The following KANK3 variants were observed in gnomAD, a reference collection of about 807,000 sequenced individuals.
The protein encoded by KANK3 is KN motif and ankyrin repeat domain-containing protein 3.
Under a neutral mutation model 65.4 loss-of-function variants are expected in KANK3, and 61 were observed. The observed-to-expected ratio is 0.93, with a 90% CI of 0.76 to 1.15. KANK3 has a LOEUF of 1.15. KANK3 is among the 50% of genes most tolerant of loss of function. The pLI is 0.00. For missense variants in KANK3, 1,187 were observed against 1,178.8 expected, an observed-to-expected ratio of 1.01 and a Z score of -0.10; for synonymous variants, 586 against 543.3, an observed-to-expected ratio of 1.08 and a Z score of -1.09.
intron 1 of KANK3, among the ~76,000 whole-genome samples, chr19:8,341,866 T>C (rs1276359739): frequency 6.6e-6 from 1 of 152,186 alleles, no homozygotes; most frequent in East Asian, 1.9e-4. Context: ...TCCCCTATTG[T>C]ACAGATGGAG....
Position 8,322,903 on chromosome 19 carries a change from G to C in KANK3, c.2402C>G (p.Ser801Cys). The stretch of plus-strand genomic sequence containing the variant: ...TCCTTCACCAGGTGTGGCTGTCTGG[G>C]AGCCAGGGGGTGACTCGCTCTGGAG... ...PDTQSESPPG[S>C]QTATPGEGEC... The change falls in exon 11 of 11, where the codon TCC (serine) becomes TGC (cysteine). Residue 801 changes from serine (S) to cysteine (C), a missense_variant. Around this residue, in one of 3 missense-constraint regions of KANK3, gnomAD observed 1,078 missense variants for 1,038.2 expected, o/e 1.04. Transcript: ENST00000330915. The C allele has an allele frequency of 6.5e-7, 1 of 1,548,820 alleles. No individual in the cohort carries two copies. The highest frequency in any genetic ancestry group is 8.7e-7 in the Non-Finnish European group (1 of 1,147,648).
Position 8,333,055 on chromosome 19 carries a change from G to C in KANK3, c.1895C>G (p.Ser632Cys), listed in dbSNP as rs1357391367. The C allele has an allele frequency of 1.2e-6, 2 of 1,611,926 alleles. No homozygotes were observed. Among genetic ancestry groups the C allele is most frequent in the Admixed American group, 1.7e-5 (1 of 59,864 alleles). Residue 632 changes from serine (S) to cysteine (C), a missense_variant, in exon 7 of 11, where the codon TCC becomes TGC. Around this residue, in one of 3 missense-constraint regions of KANK3, gnomAD observed 1,078 missense variants for 1,038.2 expected, o/e 1.04. Coordinates refer to ENST00000330915, the MANE Select transcript of KANK3 (RefSeq NM_198471.3). The surrounding 1 kb of genome is among the most constrained non-coding windows in gnomAD (Gnocchi z 5.0). ...NGNTALHYSV[S>C]HGNLAIASLL... ...GCTTGCGATGGCCAGGTTCCCGTGG[G>C]ACACACTGTAGTGCAGGGCCGTGTT...
chr19:8,336,693 T>C (rs1252855158), intron 2 of KANK3, among the ~76,000 whole-genome samples: 2 of 144,538 alleles, frequency 1.4e-5, no homozygotes, highest in African/African-American at 2.6e-5. Flanking sequence ...TGAGCCGAGA[T>C]TGCACCACTG....
At chr19:8,328,761 A>G (rs1263663384) in intron 7 of KANK3, among the ~76,000 whole-genome samples, 1 of 152,084 alleles carries the variant, frequency 6.6e-6, no homozygotes, top group Non-Finnish European at 1.5e-5. Flanking sequence ...CACAACTATT[A>G]GGGACATCAA....
chr19:8,327,634 C>CA (rs1046573746), intron 7 of KANK3, among the ~76,000 whole-genome samples: 67 of 149,184 alleles, frequency 4.5e-4, no homozygotes, highest in African/African-American at 1.3e-3. Context: ...TGCTCCCCGC[C>CA]AAAAAAAAAA....
chr19:8,324,593 C>T lies in KANK3; in HGVS notation c.2283+37G>A, dbSNP rs747628913. 6 of 1,612,124 alleles carry T rather than the reference C, an allele frequency of 3.7e-6. No homozygotes were observed. In the East Asian group the frequency reaches 1.1e-4, roughly 30 times the overall value. Reference sequence around the variant, plus strand: ...TCAGATCCCTGAGCCAAGCCATGGGCACCCCCCAAGATGCCAGCCCCATTG... The same window carrying T: ...TCAGATCCCTGAGCCAAGCCATGGGTACCCCCCAAGATGCCAGCCCCATTG... On this transcript the variant is annotated intron_variant, in intron 9 of 10. Coordinates refer to ENST00000330915, the MANE Select transcript of KANK3 (RefSeq NM_198471.3).
intron 7 of KANK3, among the ~76,000 whole-genome samples, chr19:8,331,266 G>A (rs1384135461): frequency 6.6e-6 from 1 of 152,092 alleles, no homozygotes; most frequent in Non-Finnish European, 1.5e-5. Context: ...AGGAGCCTGG[G>A]GCCTCTTGCA....
At chr19:8,338,565 C>T (rs1348662209) in intron 1 of KANK3, among the ~76,000 whole-genome samples, 1 of 151,904 alleles carries the variant, frequency 6.6e-6, no homozygotes, top group Non-Finnish European at 1.5e-5. Context: ...AGTTGGAAGC[C>T]CTTCACAGGA....
At position 8,334,968 on chromosome 19, in the gene KANK3, G is replaced by T; in HGVS notation, c.859C>A (p.Leu287Ile). Reference protein sequence around the residue: ...AGRSEGALQVLDGEVGSLDGT... With the variant: ...AGRSEGALQVIDGEVGSLDGT... Reference sequence around the variant, plus strand: ...TCGAGACTCCCGACCTCCCCGTCGAGGACCTGGAGCGCGCCCTCGCTGCGC... The same window carrying T: ...TCGAGACTCCCGACCTCCCCGTCGATGACCTGGAGCGCGCCCTCGCTGCGC... The change falls in exon 3 of 11, where the codon CTC becomes ATC. Residue 287 changes from leucine (L) to isoleucine (I), a missense_variant. Leu to Ile is a conservative substitution (Grantham distance 5). Coordinates refer to ENST00000330915, the MANE Select transcript of KANK3 (RefSeq NM_198471.3). 1 of 1,494,712 alleles carries T rather than the reference G, an allele frequency of 6.7e-7. No individual in the cohort carries two copies. Among genetic ancestry groups the T allele is most frequent in the Non-Finnish European group, 8.8e-7 (1 of 1,132,202 alleles). The allele number at this position is 1,494,712 out of a possible 1,614,324, so 92.6% of individuals were successfully genotyped here. A position where few individuals can be genotyped will look rare whatever the true frequency, so the allele number is the denominator to read the frequency against.
In KANK3 at chr19:8,334,391, T is replaced by C; in HGVS notation, c.1356A>G (p.Arg452=). ...TGGGTTGGGCACCAGGTGTGCCGTC[T>C]CTCTTCTTCATGATGGATTTGAGGA... The part of the protein sequence containing the change: ...AGILKSIMKK[R]DGTPGAQPSS... Residue 452 remains arginine (R), a synonymous_variant, in exon 4 of 11, where the codon AGA becomes AGG. Transcript: ENST00000330915. 1 of 1,614,038 alleles carries C rather than the reference T, an allele frequency of 6.2e-7. No individual in the cohort carries two copies. Among genetic ancestry groups the C allele is most frequent in the South Asian group, 1.1e-5 (1 of 91,082 alleles).
In KANK3 at chr19:8,333,114, C is replaced by T; in HGVS notation, c.1836G>A (p.Leu612=). 1.2e-6 allele frequency: 2 copies of T among 1,613,166 alleles called. No individual in the cohort carries two copies. Among genetic ancestry groups the T allele is most frequent in the Non-Finnish European group, 1.7e-6 (2 of 1,179,934 alleles). Reference sequence around the variant, plus strand: ...CATCCGCCAGGTTCACCACGTGCGCCAGCAGTTCGGGTCCCAGGCGCCTCA... The same window carrying T: ...CATCCGCCAGGTTCACCACGTGCGCTAGCAGTTCGGGTCCCAGGCGCCTCA... The part of the protein sequence containing the change: ...EGVRRLGPEL[L]AHVVNLADGN... The change falls in exon 7 of 11, where the codon CTG becomes CTA. Residue 612 remains leucine (L), a synonymous_variant. Transcript: ENST00000330915. This position sits in a 1 kb window ranked among gnomAD's most constrained non-coding sequence, Gnocchi z 5.0.
intron 2 of KANK3, among the ~76,000 whole-genome samples, chr19:8,336,015 A>G (rs1970631833): frequency 6.6e-6 from 1 of 152,266 alleles, no homozygotes; most frequent in Non-Finnish European, 1.5e-5. Context: ...GTCCTCCTGT[A>G]GAAAGCAGAT....
rs903472119 is a variant in KANK3 at position 8,331,228 on chromosome 19, GA to G, written c.1936+1785del. ...AACAACAAAAAAGGGGTGGGGGGGG[GA>G]TTCAAATGTAGGAGATAAAGGGGCC... On this transcript the variant is annotated intron_variant, in intron 7 of 10. Transcript: ENST00000330915. Among the ~76,000 whole-genome samples the G allele has an allele frequency of 1.4e-4, 20 of 148,012 alleles. No homozygotes were observed. The East Asian group carries it at 4.1e-3, about 30-fold the overall frequency.
chr19:8,329,013 C>CAA (rs61115106), intron 7 of KANK3, among the ~76,000 whole-genome samples: 4 of 150,246 alleles, frequency 2.7e-5, no homozygotes, highest in South Asian at 2.1e-4. Context: ...ACTAAAAATA[C>CAA]AAAAAAAATT....
chr19:8,333,224 C>T lies in KANK3; in HGVS notation c.1726G>A (p.Val576Met), dbSNP rs1355943822. 2 of 1,609,934 alleles carry T rather than the reference C, an allele frequency of 1.2e-6. No homozygotes were observed. The highest frequency in any genetic ancestry group is 1.7e-6 in the Non-Finnish European group (2 of 1,179,102). ...AACCACTCCTGGGCCACGAGGCGCA[C>T]TGCGCCCTGCAAGGGACAGGGGCCA... ...PRGVASDGGAVRLVAQEWFRV... is the reference protein window; with the variant it reads ...PRGVASDGGAMRLVAQEWFRV... The change falls in exon 7 of 11, where the codon GTG (valine) becomes ATG (methionine). Residue 576 changes from valine to methionine, a missense_variant. Transcript: ENST00000330915. This position sits in a 1 kb window ranked among gnomAD's most constrained non-coding sequence, Gnocchi z 5.0.
chr19:8,333,308 G>T lies in KANK3; in HGVS notation c.1720-78C>A. ...TGGTGGGGGAGCTGGGGAGGGGCGG[G>T]ACTGGGAAGAGACCCATTTGGCGTT... is the stretch of plus-strand genomic sequence containing the variant. On this transcript the variant is annotated intron_variant, in intron 6 of 10. Transcript: ENST00000330915. The surrounding 1 kb of genome is among the most constrained non-coding windows in gnomAD (Gnocchi z 5.0). 8.4e-7 allele frequency: 1 copy of T among 1,195,518 alleles called. No homozygotes were observed. Among genetic ancestry groups the T allele is most frequent in the Non-Finnish European group, 1.2e-6 (1 of 850,886 alleles). The allele number at this position is 1,195,518 out of a possible 1,614,324, so 74.1% of individuals were successfully genotyped here.
rs1487108683 is a variant in KANK3, at chr19:8,334,622, G to A, written c.1205C>T (p.Thr402Ile). 1 of 1,568,410 alleles carries A rather than the reference G, an allele frequency of 6.4e-7. No homozygotes were observed. Among genetic ancestry groups the A allele is most frequent in the Non-Finnish European group, 8.6e-7 (1 of 1,165,074 alleles). Residue 402 changes from threonine to isoleucine, a missense_variant, in exon 3 of 11, where the codon ACC becomes ATC. Thr to Ile is a moderately conservative substitution (Grantham distance 89, BLOSUM62 -1). Coordinates refer to ENST00000330915, the MANE Select transcript of KANK3 (RefSeq NM_198471.3). ...TTCGGCACAGCTCCACGGGGTCTGG[G>A]TGGTGGCCTCGCGTAGCTGGGCCCG... is the stretch of plus-strand genomic sequence containing the variant. ...GARAQLREATTQTPWSCAEKA... is the reference protein window; with the variant it reads ...GARAQLREATIQTPWSCAEKA...
At position 8,324,748 on chromosome 19, in the gene KANK3, A is replaced by G. The variant is rs1555786743; in HGVS notation, c.2165T>C (p.Val722Ala). ...VATLLACGAD[V>A]NAQDADGATA... ...GGCCCCATCCGCATCCTGCGCATTC[A>G]CATCAGCCCCACACGCCAGTAGGGT... The change falls in exon 9 of 11, where the codon GTG becomes GCG. Residue 722 changes from valine (V) to alanine (A), a missense_variant. This residue lies in a region of KANK3 where 1,078 missense variants were observed against 1,038.2 expected (regional missense o/e 1.04). Coordinates refer to ENST00000330915, the MANE Select transcript of KANK3 (RefSeq NM_198471.3). 2.4e-5 allele frequency: 39 copies of G among 1,614,068 alleles called. No homozygotes were observed. The highest frequency in any genetic ancestry group is 3.3e-5 in the Non-Finnish European group (39 of 1,180,016).
chr19:8,329,523 A>AAAAAAAAAG (rs1427394985), intron 7 of KANK3, among the ~76,000 whole-genome samples: 1 of 149,470 alleles, frequency 6.7e-6, no homozygotes, highest in African/African-American at 2.5e-5. Context: ...AAAAAAGACT[A>AAAAAAAAAG]ACTATAGAAT....
Sources: gnomAD v4.1 joint callset for allele counts (sites outside exome capture counted in the v4.1 genomes callset) on GRCh38, gnomAD v4.1.1 for gene constraint, gnomAD v4.1.1 regional missense constraint, Gnocchi (gnomAD v3.1) non-coding constraint, MANE v1.5 for transcripts, NCBI Gene and HGNC (gene_info 2026-07-23, HGNC 2026-07-21) for gene names.